PIP5K1B: variants seen among roughly 807,000 people sequenced by gnomAD.
PIP5K1B encodes the protein phosphatidylinositol-4-phosphate 5-kinase type 1 beta, also known as phosphatidylinositol 4-phosphate 5-kinase type-1 beta.
PIP5K1B carries 42 observed loss-of-function variants against 67.0 expected under a neutral mutation model. That is an observed-to-expected ratio of 0.63 (90% CI 0.49 to 0.81). PIP5K1B has a LOEUF of 0.81. Among genes scored for constraint, PIP5K1B ranks in the 30% least tolerant of loss-of-function variants. The pLI is 0.00. For missense variants in PIP5K1B, 459 were observed against 646.3 expected (o/e 0.71, Z 3.14); for synonymous variants, 214 against 231.4 (o/e 0.92, Z 0.68).
intron 14 of PIP5K1B, among the ~76,000 whole-genome samples, chr9:68,961,141 C>T (rs1435841132): frequency 1.3e-5 from 2 of 150,410 alleles, no homozygotes; most frequent in Non-Finnish European, 2.9e-5. Context: ...ACCCGGGAAG[C>T]GGAGCTTGCA....
chr9:68,855,055 T>A (rs566607264), intron 4 of PIP5K1B, among the ~76,000 whole-genome samples: 6 of 152,350 alleles, frequency 3.9e-5, no homozygotes, highest in Admixed American at 1.3e-4. Flanking sequence ...GGTTTATATA[T>A]GAATTAACAA....
At chr9:68,997,142 G>A (rs903680528) in intron 15 of PIP5K1B, among the ~76,000 whole-genome samples, 1 of 152,206 alleles carries the variant, frequency 6.6e-6, no homozygotes, top group Admixed American at 6.5e-5. Flanking sequence ...GGGAAGAAGG[G>A]TGGCAGAGAA....
At chr9:68,722,241 T>C (rs1827924489) in intron 1 of PIP5K1B, among the ~76,000 whole-genome samples, 1 of 152,186 alleles carries the variant, frequency 6.6e-6, no homozygotes, top group Non-Finnish European at 1.5e-5. Flanking sequence ...AGTCTCCCTC[T>C]GTCACCCAGG....
At chr9:68,725,829 A>G (rs895916280) in intron 1 of PIP5K1B, among the ~76,000 whole-genome samples, 6 of 152,248 alleles carry the variant, frequency 3.9e-5, no homozygotes, top group African/African-American at 7.2e-5. Flanking sequence ...AAACTAGGAC[A>G]TAATTCTCTT....
intron 14 of PIP5K1B, among the ~76,000 whole-genome samples, chr9:68,955,059 T>C (rs1828315155): frequency 6.6e-6 from 1 of 152,162 alleles, no homozygotes; most frequent in South Asian, 2.1e-4. Context: ...ACAAAGTGAG[T>C]TAGGCAGACA....
chr9:68,980,757 G>A (rs1038277036), intron 14 of PIP5K1B, among the ~76,000 whole-genome samples: 13 of 152,060 alleles, frequency 8.5e-5, no homozygotes, highest in Admixed American at 2.0e-4. Context: ...TCTGCCCTTC[G>A]CCTGGATATT....
chr9:68,994,817 G>A (rs1830534231), intron 15 of PIP5K1B, among the ~76,000 whole-genome samples: 1 of 152,108 alleles, frequency 6.6e-6, no homozygotes, highest in Non-Finnish European at 1.5e-5. Flanking sequence ...CTTGAATTCA[G>A]TGATCTCAGT....
chr9:68,768,779 C>G (rs1830550722), intron 2 of PIP5K1B, among the ~76,000 whole-genome samples: 1 of 152,208 alleles, frequency 6.6e-6, no homozygotes, highest in South Asian at 2.1e-4. Context: ...CAGTAGCTGT[C>G]AGCCACCTTT....
At chr9:68,987,454 C>T (rs1014953155) in intron 14 of PIP5K1B, among the ~76,000 whole-genome samples, 6 of 151,906 alleles carry the variant, frequency 3.9e-5, no homozygotes, top group African/African-American at 7.3e-5. Context: ...CCCTGCTACT[C>T]GGGAGCCTGA....
chr9:68,951,019 G>A (rs990590746), intron 14 of PIP5K1B, among the ~76,000 whole-genome samples: 1 of 152,204 alleles, frequency 6.6e-6, no homozygotes, highest in Non-Finnish European at 1.5e-5. Flanking sequence ...TTTAGTTCAT[G>A]ATAGTTATGG....
intron 2 of PIP5K1B, among the ~76,000 whole-genome samples, chr9:68,773,942 G>A (rs11143694): frequency 0.019 from 2,869 of 152,156 alleles, 56 homozygotes; most frequent in East Asian, 0.1. Flanking sequence ...GTCCTTAAAT[G>A]CAATTCTTAT....
intron 4 of PIP5K1B, among the ~76,000 whole-genome samples, chr9:68,862,801 TA>T (rs1161180871): frequency 2.3e-5 from 3 of 130,804 alleles, no homozygotes; most frequent in African/African-American, 8.4e-5. Context: ...CAAAAAAAAA[TA>T]AAAAATAAAT....
In PIP5K1B at chr9:68,940,662, C is replaced by T. The variant is rs1827511683; in HGVS notation, c.1374C>T (p.His458=). Residue 458 remains histidine, a synonymous_variant, in exon 14 of 16, where the codon CAC becomes CAT. Coordinates refer to ENST00000265382, the MANE Select transcript of PIP5K1B (RefSeq NM_003558.4). Reference sequence around the variant, plus strand: ...CGTTCCTAGCCCTGGGATCCCGACACAGGCCAGACCTGGTCCCTAGCACTC... The same window carrying T: ...CGTTCCTAGCCCTGGGATCCCGACATAGGCCAGACCTGGTCCCTAGCACTC... ...SLDEEALGSR[H]RPDLVPSTPS... 4 of 1,613,676 alleles carry T rather than the reference C, an allele frequency of 2.5e-6. No homozygotes were observed. Among genetic ancestry groups the T allele is most frequent in the Non-Finnish European group, 3.4e-6 (4 of 1,179,742 alleles).
chr9:68,793,317 T>C (rs1832103330), intron 2 of PIP5K1B, among the ~76,000 whole-genome samples: 2 of 151,984 alleles, frequency 1.3e-5, no homozygotes, highest in South Asian at 4.2e-4. Context: ...AGTGACATGA[T>C]CTGTCTTAGA....
intron 2 of PIP5K1B, among the ~76,000 whole-genome samples, chr9:68,816,535 G>A (rs1317807716): frequency 6.6e-6 from 1 of 152,202 alleles, no homozygotes; most frequent in Non-Finnish European, 1.5e-5. Context: ...AGGCATCAAA[G>A]CATACTATCA....
intron 2 of PIP5K1B, among the ~76,000 whole-genome samples, chr9:68,763,412 G>A (rs559761048): frequency 1.3e-5 from 2 of 152,188 alleles, no homozygotes; most frequent in South Asian, 4.1e-4. Context: ...TTTTAAATGA[G>A]ATATCATCAG....
chr9:68,804,588 A>ATTTT (rs66469506), intron 2 of PIP5K1B, among the ~76,000 whole-genome samples: 3 of 125,494 alleles, frequency 2.4e-5, no homozygotes, highest in African/African-American at 6.0e-5. Flanking sequence ...CTAGTTTTCA[A>ATTTT]TTTTTTTTTT....
intron 4 of PIP5K1B, among the ~76,000 whole-genome samples, chr9:68,832,645 C>T (rs1834380814): frequency 6.6e-6 from 1 of 152,200 alleles, no homozygotes. Context: ...TTAAGATTCT[C>T]AGTCCTCTAT....
intron 7 of PIP5K1B, among the ~76,000 whole-genome samples, chr9:68,892,945 C>T (rs1185367844): frequency 6.6e-6 from 1 of 152,024 alleles, no homozygotes; most frequent in Non-Finnish European, 1.5e-5. Context: ...TGGCGGCACA[C>T]ACCTGTAGTC....
Sources: allele counts gnomAD v4.1 joint callset (sites outside exome capture counted in the v4.1 genomes callset), GRCh38; gene constraint gnomAD v4.1.1; transcripts MANE v1.5; gene names NCBI Gene and HGNC (gene_info 2026-07-23, HGNC 2026-07-21).